ERBB4: variants seen among roughly 807,000 people sequenced by gnomAD.
ERBB4 encodes the protein erb-b2 receptor tyrosine kinase 4, also known as receptor tyrosine-protein kinase erbB-4.
A neutral mutation model predicts 158.0 loss-of-function variants in ERBB4; 42 were observed. The ratio of observed to expected loss-of-function variants is 0.27; its 90% CI spans 0.21 to 0.34. The LOEUF (loss-of-function observed/expected upper bound fraction) is 0.34. Among genes scored for constraint, ERBB4 ranks in the 10% least tolerant of loss-of-function variants. ERBB4 has a pLI of 1.00. For synonymous variants in ERBB4, 583 were observed against 558.7 expected (o/e 1.04, Z -0.61); for missense variants, 1,333 against 1,624.1 (o/e 0.82, Z 3.08).
At chr2:212,403,047 A>G (rs1207653044) in intron 1 of ERBB4, among the ~76,000 whole-genome samples, 1 of 152,082 alleles carries the variant, frequency 6.6e-6, no homozygotes. Context: ...GCTTTGTAAA[A>G]CAATTATTTT....
At chr2:212,125,469 GGTAAACCT>G (rs2079895286) in intron 1 of ERBB4, among the ~76,000 whole-genome samples, 1 of 152,016 alleles carries the variant, frequency 6.6e-6, no homozygotes, top group South Asian at 2.1e-4. Context: ...TGTTTACATA[GGTAAACCT>G]GTGGCATGGG....
chr2:212,056,680 G>C (rs1228242759), intron 2 of ERBB4, among the ~76,000 whole-genome samples: 3 of 152,138 alleles, frequency 2.0e-5, no homozygotes, highest in Non-Finnish European at 2.9e-5. Flanking sequence ...GCCAAACTGA[G>C]CTTCCTAAGT....
At chr2:212,134,679 T>TC (rs2080215358) in intron 1 of ERBB4, among the ~76,000 whole-genome samples, 1 of 56,246 alleles carries the variant, frequency 1.8e-5, no homozygotes, top group African/African-American at 4.2e-5. Context: ...ACACTTTCTT[T>TC]TTTTTTTTTT....
intron 5 of ERBB4, among the ~76,000 whole-genome samples, chr2:211,731,028 A>G (rs2074412105): frequency 6.6e-6 from 1 of 152,120 alleles, no homozygotes; most frequent in African/African-American, 2.4e-5. Context: ...AAATCAAACA[A>G]ACAAAAATTG....
At chr2:212,035,916 T>A (rs1483431382) in intron 2 of ERBB4, among the ~76,000 whole-genome samples, 3 of 152,352 alleles carry the variant, frequency 2.0e-5, no homozygotes, top group African/African-American at 7.2e-5. Flanking sequence ...TGATTACTCC[T>A]ATGCTTTTGA....
At chr2:211,925,779 C>A (rs184546091) in intron 3 of ERBB4, among the ~76,000 whole-genome samples, 1 of 152,200 alleles carries the variant, frequency 6.6e-6, no homozygotes, top group African/African-American at 2.4e-5. Flanking sequence ...TACAATATTT[C>A]ACAATAAAGA....
chr2:211,675,139 C>T (rs551468404), intron 13 of ERBB4, among the ~76,000 whole-genome samples: 1 of 152,252 alleles, frequency 6.6e-6, no homozygotes, highest in African/African-American at 2.4e-5. Context: ...TCTATTGTGA[C>T]TTTGCCAGAG....
In ERBB4 at chr2:211,505,149, A is replaced by T. The variant is rs557978990; in HGVS notation, c.2487+56754T>A. On this transcript the variant is annotated intron_variant, in intron 20 of 27. Coordinates refer to ENST00000342788, the MANE Select transcript of ERBB4 (RefSeq NM_005235.3). ...ATGAACATTACCAAGGTGTATAGTCATCAGACTATCCAAGCTCAATATAAA... is the reference window on the plus strand; with the variant it reads ...ATGAACATTACCAAGGTGTATAGTCTTCAGACTATCCAAGCTCAATATAAA... Among the ~76,000 whole-genome samples the T allele has an allele frequency of 3.7e-4, 56 of 152,224 alleles. 3 individuals are homozygous for T. In the South Asian group the frequency reaches 0.012, roughly 32 times the overall value.
chr2:211,864,645 C>G (rs887068632), intron 3 of ERBB4, among the ~76,000 whole-genome samples: 2 of 152,114 alleles, frequency 1.3e-5, no homozygotes, highest in African/African-American at 4.8e-5. Context: ...CCTTTTGAAT[C>G]TCTGCCATTA....
chr2:212,165,090 C>T (rs966896071), intron 1 of ERBB4, among the ~76,000 whole-genome samples: 5 of 151,836 alleles, frequency 3.3e-5, no homozygotes, highest in African/African-American at 7.3e-5. Flanking sequence ...CACTAACATC[C>T]GTCCCTCCTG....
At chr2:212,278,176 G>A (rs2085617517) in intron 1 of ERBB4, among the ~76,000 whole-genome samples, 1 of 151,716 alleles carries the variant, frequency 6.6e-6, no homozygotes, top group South Asian at 2.1e-4. Flanking sequence ...GGTTTTGGTT[G>A]AGGTTTTGTT....
At chr2:211,400,956 A>G (rs1165513162) in intron 25 of ERBB4, among the ~76,000 whole-genome samples, 1 of 152,106 alleles carries the variant, frequency 6.6e-6, no homozygotes, top group East Asian at 1.9e-4. Flanking sequence ...AAAAGTTTAA[A>G]CCAAATTTGA....
At chr2:211,682,085 C>CACACACACACACAT (rs59564874) in intron 12 of ERBB4, among the ~76,000 whole-genome samples, 177 of 149,830 alleles carry the variant, frequency 1.2e-3, no homozygotes, top group African/African-American at 4.1e-3. Context: ...CACACACACA[C>CACACACACACACAT]ACACACAATT....
At chr2:212,210,917 ATCTC>A (rs374734884) in intron 1 of ERBB4, among the ~76,000 whole-genome samples, 1 of 151,306 alleles carries the variant, frequency 6.6e-6, no homozygotes, top group Non-Finnish European at 1.5e-5. Flanking sequence ...CTCACTTGGC[ATCTC>A]TCTCTCTCTC....
chr2:212,398,390 C>T (rs1209618849), intron 1 of ERBB4, among the ~76,000 whole-genome samples: 1 of 152,010 alleles, frequency 6.6e-6, no homozygotes, highest in African/African-American at 2.4e-5. Flanking sequence ...ATAAGAAAAG[C>T]TGATGTCACT....
At chr2:211,678,914 C>A (rs949638445) in intron 13 of ERBB4, 138 bp downstream of exon 13, 4 of 766,084 alleles carry the variant, frequency 5.2e-6, no homozygotes, top group Non-Finnish European at 7.9e-6. Context: ...TTGCAGTGAG[C>A]CGAGATCGTG....
At chr2:212,502,866 GC>G (rs1374123866) in intron 1 of ERBB4, among the ~76,000 whole-genome samples, 1 of 152,012 alleles carries the variant, frequency 6.6e-6, no homozygotes, top group Non-Finnish European at 1.5e-5. Flanking sequence ...AACCTCCTGG[GC>G]TCAGGTGATC....
chr2:211,695,970 A>ATCCT (rs572159608), intron 12 of ERBB4, among the ~76,000 whole-genome samples: 1 of 146,548 alleles, frequency 6.8e-6, no homozygotes, highest in African/African-American at 2.5e-5. Context: ...CTTTCTTTTT[A>ATCCT]TCCTTCCTTC....
chr2:211,716,904 C>G (rs2073937091), intron 7 of ERBB4, among the ~76,000 whole-genome samples: 1 of 152,110 alleles, frequency 6.6e-6, no homozygotes, highest in Non-Finnish European at 1.5e-5. Context: ...CTGTAAGTTA[C>G]CACATTTAAA....
Sources: allele counts gnomAD v4.1 joint callset (sites outside exome capture counted in the v4.1 genomes callset), GRCh38; gene constraint gnomAD v4.1.1; transcripts MANE v1.5; gene names NCBI Gene and HGNC (gene_info 2026-07-23, HGNC 2026-07-21).